RBBP6: variants seen among roughly 807,000 people sequenced by gnomAD.
RBBP6 encodes RB binding protein 6, ubiquitin ligase.
A neutral mutation model predicts 167.7 loss-of-function variants in RBBP6; 25 were observed. The ratio of observed to expected loss-of-function variants is 0.15; its 90% CI spans 0.11 to 0.21. The LOEUF (loss-of-function observed/expected upper bound fraction) is 0.21. RBBP6 is among the 10% of genes least tolerant of loss of function. The pLI, the probability that RBBP6 is intolerant of heterozygous loss-of-function variation, is 1.00. For missense variants in RBBP6, 1,868 were observed against 2,134.2 expected, an observed-to-expected ratio of 0.88 and a Z score of 2.46; for synonymous variants, 789 against 735.8, an observed-to-expected ratio of 1.07 and a Z score of -1.17.
intron 4 of RBBP6, 149 bp from the exon 5 acceptor site, chr16:24,555,466 A>C (rs1473931224): frequency 6.3e-6 from 4 of 639,294 alleles, no homozygotes; most frequent in Middle Eastern, 4.5e-4. Context: ...GGAATTCCCA[A>C]GTGCCTCTTC....
At chr16:24,541,578 T>C (rs1898501735) in intron 1 of RBBP6, among the ~76,000 whole-genome samples, 1 of 152,186 alleles carries the variant, frequency 6.6e-6, no homozygotes, top group Non-Finnish European at 1.5e-5. Context: ...TACTGAAAAA[T>C]AGGCTGCTAC....
At chr16:24,567,950 G>A (rs954661709) in intron 16 of RBBP6, 57 bp downstream of exon 16, 1 of 1,391,642 alleles carries the variant, frequency 7.2e-7, no homozygotes, top group South Asian at 1.2e-5. Context: ...GAATATCCAG[G>A]GATTAGCTAT....
intron 16 of RBBP6, among the ~76,000 whole-genome samples, chr16:24,568,244 A>G (rs1204319949): frequency 6.6e-6 from 1 of 152,230 alleles, no homozygotes; most frequent in Non-Finnish European, 1.5e-5. Flanking sequence ...TTGCTGGAAC[A>G]TTAACCTGCG....
intron 4 of RBBP6, chr16:24,554,534 C>T (rs1898869979): frequency 1.3e-5 from 2 of 151,992 alleles, no homozygotes; most frequent in Admixed American, 6.6e-5. Context: ...TTTTAAGCTC[C>T]TGTTCTGGGA....
chr16:24,560,850 A>G (rs552689247), intron 8 of RBBP6, among the ~76,000 whole-genome samples: 6 of 152,310 alleles, frequency 3.9e-5, no homozygotes, highest in Admixed American at 3.9e-4. Context: ...GAGTGACTTG[A>G]GCATCTACAG....
chr16:24,558,914 T>C lies in RBBP6; in HGVS notation c.675-591T>C, dbSNP rs376703496. On this transcript the variant is annotated intron_variant, in intron 7 of 17. Transcript: ENST00000319715. ...AATAAGTAGATCATGGGTTTTGGTA[T>C]CTCATTTTATTAATTATTTGTGTGG... is the stretch of plus-strand genomic sequence containing the variant. Among the ~76,000 whole-genome samples, 13 of 152,302 alleles carry C rather than the reference T, an allele frequency of 8.5e-5. No homozygotes were observed. The East Asian group carries it at 2.3e-3, about 27-fold the overall frequency.
intron 3 of RBBP6, chr16:24,549,320 CT>C (rs1342110986): frequency 3.3e-5 from 37 of 1,124,928 alleles, no homozygotes; most frequent in Non-Finnish European, 4.0e-5. Context: ...CTACATTTGT[CT>C]GTCTATAGTT....
At position 24,563,638 on chromosome 16, in the gene RBBP6, A is replaced by G; in HGVS notation, c.1494A>G (p.Pro498=). ...CAGTAAGAATAAATACTGCTCGTCC[A>G]GGTGGTGGTCGACCAGGCTGGGAAC... The part of the protein sequence containing the change: ...TGPVRINTAR[P]GGGRPGWEHS... The change falls in exon 13 of 18, where the codon CCA becomes CCG. Residue 498 remains proline (P), a synonymous_variant. Transcript: ENST00000319715. 1 of 1,611,938 alleles carries G rather than the reference A, an allele frequency of 6.2e-7. No individual in the cohort carries two copies. The highest frequency in any genetic ancestry group is 8.5e-7 in the Non-Finnish European group (1 of 1,179,682).
Position 24,567,734 on chromosome 16 carries a change from T to G in RBBP6, c.1953-58T>G, listed in dbSNP as rs1899229745. 5 of 1,432,202 alleles carry G rather than the reference T, an allele frequency of 3.5e-6. No individual in the cohort carries two copies. The Admixed American group carries it at 9.8e-5, about 28-fold the overall frequency. The allele number at this position is 1,432,202 out of a possible 1,614,324, so 88.7% of individuals were successfully genotyped here. A position where few individuals can be genotyped will look rare whatever the true frequency, so the allele number is the denominator to read the frequency against. ...CATTCATGATCTAATTACATTTGTC[T>G]TGTTAGTTTTCTTAAATGGTTTTTG... On this transcript the variant is annotated intron_variant, in intron 15 of 17. Coordinates refer to ENST00000319715, the MANE Select transcript of RBBP6 (RefSeq NM_006910.5).
intron 3 of RBBP6, among the ~76,000 whole-genome samples, chr16:24,550,719 T>G (rs1898776613): frequency 6.6e-6 from 1 of 151,782 alleles, no homozygotes; most frequent in East Asian, 1.9e-4. Flanking sequence ...TAAGCTTATT[T>G]AGGTTTCTCT....
chr16:24,566,040 A>G (rs1056372199), intron 14 of RBBP6, among the ~76,000 whole-genome samples: 1 of 152,206 alleles, frequency 6.6e-6, no homozygotes, highest in Non-Finnish European at 1.5e-5. Flanking sequence ...ACTTTAGCCT[A>G]GGGGACAGAG....
rs1477893748 is a variant in RBBP6, at chr16:24,561,543, T to G, written c.848-69T>G. 19 of 1,308,326 alleles carry G rather than the reference T, an allele frequency of 1.5e-5. No homozygotes were observed. The East Asian group carries it at 4.4e-4, about 30-fold the overall frequency. The allele number at this position is 1,308,326 out of a possible 1,614,324, so 81.0% of individuals were successfully genotyped here. ...TAACTGAACAAATGTGGACCATCCT[T>G]TTAATTCATTTCGTAAACACTTTGA... is the stretch of plus-strand genomic sequence containing the variant. On this transcript the variant is annotated intron_variant, in intron 8 of 17. Transcript: ENST00000319715.
chr16:24,552,342 C>T (rs761886298), intron 3 of RBBP6, among the ~76,000 whole-genome samples: 1 of 151,682 alleles, frequency 6.6e-6, no homozygotes, highest in South Asian at 2.1e-4. Context: ...TATTTTAAAA[C>T]TTTTGGTTCT....
At chr16:24,559,832 C>T (rs1434497654) in intron 8 of RBBP6, 155 bp downstream of exon 8, 9 of 570,650 alleles carry the variant, frequency 1.6e-5, no homozygotes, top group Non-Finnish European at 2.4e-5. Context: ...GTCTGTTTTT[C>T]TTGCTGTATC....
At chr16:24,549,040 G>A (rs1898734380) in intron 3 of RBBP6, 59 bp downstream of exon 3, 1 of 1,584,854 alleles carries the variant, frequency 6.3e-7, no homozygotes, top group Admixed American at 1.8e-5. Flanking sequence ...TTATAATGTA[G>A]CAGTGAAGTA....
At chr16:24,559,321 T>G (rs1898992283) in intron 7 of RBBP6, among the ~76,000 whole-genome samples, 184 bp from the exon 8 acceptor site, 1 of 152,220 alleles carries the variant, frequency 6.6e-6, no homozygotes, top group Non-Finnish European at 1.5e-5. Flanking sequence ...TTGTTTAGAC[T>G]TTTGTGTCTT....
At position 24,562,463 on chromosome 16, in the gene RBBP6, T is replaced by C. The variant is rs374876937; in HGVS notation, c.1289+302T>C. ...ACTTAACAGAGGTGGGAGAATTCAC[T>C]TGTGATCATAATGATAGTTTTGGAT... On this transcript the variant is annotated intron_variant, in intron 10 of 17. Transcript: ENST00000319715. Among the ~76,000 whole-genome samples the C allele has an allele frequency of 3.2e-4, 48 of 152,150 alleles. 1 individual carries two copies. The highest frequency in any genetic ancestry group is 3.1e-3 in the Admixed American group (48 of 15,276).
At chr16:24,555,992 C>G in intron 6 of RBBP6, 75 bp downstream of exon 6, 2 of 1,339,358 alleles carry the variant, frequency 1.5e-6, no homozygotes, top group Non-Finnish European at 1.1e-6. Context: ...TCTTATTTTT[C>G]TTGGTTAATA....
At chr16:24,546,562 T>A (rs1898658036) in intron 2 of RBBP6, among the ~76,000 whole-genome samples, 1 of 152,184 alleles carries the variant, frequency 6.6e-6, no homozygotes, top group Non-Finnish European at 1.5e-5. Flanking sequence ...TTTGACTACT[T>A]TTTTTTGTGG....
Sources: gnomAD v4.1 joint callset for allele counts (sites outside exome capture counted in the v4.1 genomes callset) on GRCh38, gnomAD v4.1.1 for gene constraint, MANE v1.5 for transcripts, NCBI Gene and HGNC (gene_info 2026-07-23, HGNC 2026-07-21) for gene names.